The following SLC25A21 variants were observed in gnomAD, a reference collection of about 807,000 sequenced individuals.
SLC25A21 encodes solute carrier family 25 member 21.
Under a neutral mutation model 43.8 loss-of-function variants are expected in SLC25A21, and 47 were observed. The observed-to-expected ratio is 1.07, with a 90% CI of 0.85 to 1.37. The LOEUF is 1.37. Ranked by LOEUF, SLC25A21 falls within the 40% of genes most tolerant of loss-of-function variation. SLC25A21 has a pLI of 0.00. For synonymous variants in SLC25A21, 131 were observed against 121.3 expected (o/e 1.08, Z -0.52); for missense variants, 352 against 350.2 (o/e 1.00, Z -0.04).
At chr14:36,881,257 A>C (rs1386175474) in intron 1 of SLC25A21, among the ~76,000 whole-genome samples, 1 of 152,208 alleles carries the variant, frequency 6.6e-6, no homozygotes, top group Non-Finnish European at 1.5e-5. Flanking sequence ...ATGTTACATC[A>C]TCTGTGGCCT....
intron 3 of SLC25A21, among the ~76,000 whole-genome samples, chr14:36,756,299 T>C (rs1317010201): frequency 6.6e-6 from 1 of 152,210 alleles, no homozygotes; most frequent in African/African-American, 2.4e-5. Flanking sequence ...TTCGGCCGCC[T>C]CCTTCTGCAC....
chr14:37,080,339 T>C (rs1962362126), intron 1 of SLC25A21, among the ~76,000 whole-genome samples: 1 of 152,170 alleles, frequency 6.6e-6, no homozygotes, highest in Non-Finnish European at 1.5e-5. Context: ...ATGCCAGTAA[T>C]CCCAGAATTT....
intron 2 of SLC25A21, among the ~76,000 whole-genome samples, chr14:36,817,481 C>A (rs529539225): frequency 1.3e-5 from 2 of 152,184 alleles, no homozygotes; most frequent in East Asian, 3.9e-4. Context: ...AGCCGCCTAC[C>A]CCGTTTCCTT....
chr14:36,921,861 T>C (rs1338946555), intron 1 of SLC25A21, among the ~76,000 whole-genome samples: 1 of 152,110 alleles, frequency 6.6e-6, no homozygotes, highest in Middle Eastern at 3.2e-3. Flanking sequence ...AATTACAGCA[T>C]AGGCCAGGCA....
intron 1 of SLC25A21, among the ~76,000 whole-genome samples, chr14:37,045,866 T>C (rs575636680): frequency 2.0e-5 from 3 of 152,340 alleles, no homozygotes; most frequent in Non-Finnish European, 2.9e-5. Context: ...ATGGAGACTA[T>C]GTTGTCTCAT....
chr14:37,052,649 TTC>T (rs904405584), intron 1 of SLC25A21, among the ~76,000 whole-genome samples: 15 of 116,448 alleles, frequency 1.3e-4, no homozygotes, highest in African/African-American at 3.0e-4. Context: ...AACTTTTTTT[TTC>T]CCCCCGAGAC....
chr14:37,111,620 AT>A lies in SLC25A21; in HGVS notation c.70+60660del, dbSNP rs555773471. 8.5e-3 allele frequency among the ~76,000 whole-genome samples: 1,296 copies of A among 152,276 alleles called. 16 individuals carry two copies. Among genetic ancestry groups the A allele is most frequent in the Non-Finnish European group, 0.011 (745 of 68,028 alleles). The stretch of plus-strand genomic sequence containing the variant: ...ATATGTTTGTTGTAATAAATTTCAT[AT>A]TTCTCATCTATACCAGTTCACTCTC... On this transcript the variant is annotated intron_variant, in intron 1 of 9. Transcript: ENST00000331299.
At chr14:36,795,092 T>C (rs1436809528) in intron 3 of SLC25A21, among the ~76,000 whole-genome samples, 2 of 152,170 alleles carry the variant, frequency 1.3e-5, no homozygotes, top group Non-Finnish European at 2.9e-5. Context: ...ATAGACCTTA[T>C]AATAACCTTA....
At chr14:36,755,502 G>A (rs1885890997) in intron 3 of SLC25A21, among the ~76,000 whole-genome samples, 1 of 152,040 alleles carries the variant, frequency 6.6e-6, no homozygotes. Flanking sequence ...AAACTCCCAT[G>A]GGGCATGGCA....
chr14:37,060,181 T>C (rs1035622317), intron 1 of SLC25A21, among the ~76,000 whole-genome samples: 7 of 151,636 alleles, frequency 4.6e-5, no homozygotes, highest in African/African-American at 1.7e-4. Context: ...GGCATTAGTG[T>C]CCTCAGAAAA....
chr14:37,043,686 C>A (rs1961522405), intron 1 of SLC25A21, among the ~76,000 whole-genome samples: 1 of 152,102 alleles, frequency 6.6e-6, no homozygotes, highest in Admixed American at 6.6e-5. Flanking sequence ...AAGACTGCAG[C>A]ACTCATCATC....
intron 3 of SLC25A21, among the ~76,000 whole-genome samples, chr14:36,739,538 T>G (rs1011866641): frequency 2.6e-5 from 4 of 151,808 alleles, no homozygotes; most frequent in Non-Finnish European, 4.4e-5. Flanking sequence ...ATTAGCTGGG[T>G]GTGGTGGTGC....
intron 1 of SLC25A21, among the ~76,000 whole-genome samples, chr14:36,929,604 T>A (rs1490900716): frequency 1.3e-5 from 2 of 152,172 alleles, no homozygotes; most frequent in Admixed American, 6.6e-5. Flanking sequence ...GGCTTGGCGA[T>A]AATGTTAAAT....
chr14:36,728,659 T>G (rs1043802698), intron 5 of SLC25A21, among the ~76,000 whole-genome samples: 3 of 152,228 alleles, frequency 2.0e-5, no homozygotes, highest in Non-Finnish European at 4.4e-5. Flanking sequence ...TATGATTTTT[T>G]AAAAATAACA....
chr14:36,937,937 T>C (rs1393798038), intron 1 of SLC25A21, among the ~76,000 whole-genome samples: 2 of 152,226 alleles, frequency 1.3e-5, no homozygotes, highest in African/African-American at 4.8e-5. Context: ...TATAGGTTAA[T>C]TAAATGTGTT....
At chr14:36,906,728 T>G (rs551889342) in intron 1 of SLC25A21, among the ~76,000 whole-genome samples, 12 of 152,032 alleles carry the variant, frequency 7.9e-5, no homozygotes, top group African/African-American at 2.2e-4. Flanking sequence ...ATGGTCTCGA[T>G]CTCCTGACCT....
chr14:36,692,076 C>G (rs1207896366), intron 7 of SLC25A21, among the ~76,000 whole-genome samples: 2 of 152,202 alleles, frequency 1.3e-5, no homozygotes, highest in East Asian at 1.9e-4. Context: ...ACATGGCTAA[C>G]TAGTAAATAC....
intron 6 of SLC25A21, among the ~76,000 whole-genome samples, chr14:36,724,789 A>G (rs1884525123): frequency 6.6e-6 from 1 of 152,202 alleles, no homozygotes. Flanking sequence ...TTGACAGATT[A>G]TCAGAATCTT....
At chr14:36,952,193 T>C (rs1209946966) in intron 1 of SLC25A21, 1 of 152,928 alleles carries the variant, frequency 6.5e-6, no homozygotes, top group African/African-American at 2.4e-5. Flanking sequence ...ATTGCGCCAC[T>C]GCACTCCAGC....
Sources: allele counts gnomAD v4.1 joint callset (sites outside exome capture counted in the v4.1 genomes callset), GRCh38; gene constraint gnomAD v4.1.1; transcripts MANE v1.5; gene names NCBI Gene and HGNC (gene_info 2026-07-23, HGNC 2026-07-21).